FAM171A1: variants seen among roughly 807,000 people sequenced by gnomAD.
FAM171A1 encodes family with sequence similarity 171 member A1, also known as protein FAM171A1.
FAM171A1 carries 23 observed loss-of-function variants against 74.9 expected under a neutral mutation model. The ratio of observed to expected loss-of-function variants is 0.31; its 90% CI spans 0.22 to 0.44. The LOEUF is 0.44. Ranked by LOEUF, FAM171A1 falls within the 20% of genes least tolerant of loss-of-function variation. The pLI, the probability that FAM171A1 is intolerant of heterozygous loss-of-function variation, is 1.00. For missense variants in FAM171A1, 1,162 were observed against 1,159.2 expected, an observed-to-expected ratio of 1.00 and a Z score of -0.03; for synonymous variants, 527 against 505.7, an observed-to-expected ratio of 1.04 and a Z score of -0.57.
chr10:15,279,165 C>T (rs1292387615), intron 2 of FAM171A1, among the ~76,000 whole-genome samples: 1 of 152,174 alleles, frequency 6.6e-6, no homozygotes, highest in Non-Finnish European at 1.5e-5. Context: ...AGGTGTGTGA[C>T]CATCGCAGTG....
chr10:15,320,178 G>A (rs1053016864), intron 1 of FAM171A1, among the ~76,000 whole-genome samples: 4 of 152,104 alleles, frequency 2.6e-5, no homozygotes, highest in Non-Finnish European at 5.9e-5. Flanking sequence ...TTGTGTCCAT[G>A]TATACTCAGT....
rs371583301 is a variant in FAM171A1, at chr10:15,275,881, A to G, written c.392T>C (p.Val131Ala). 6.2e-6 allele frequency: 10 copies of G among 1,611,492 alleles called. No homozygotes were observed. The highest frequency in any genetic ancestry group is 8.5e-6 in the Non-Finnish European group (10 of 1,178,674). Residue 131 changes from valine to alanine, a missense_variant, in exon 3 of 8, where the codon GTC becomes GCC. Transcript: ENST00000378116. ...RSATLMVYED[V>A]VQIVSGFQGA... is the part of the protein sequence containing the mutation. ...TTGGAATCCTGATACTATTTGGACG[A>G]CATCTTCATATACCATTAGAGTGGC... is the stretch of plus-strand genomic sequence containing the variant.
chr10:15,305,385 C>A (rs1835280645), intron 1 of FAM171A1, among the ~76,000 whole-genome samples: 2 of 152,054 alleles, frequency 1.3e-5, no homozygotes, highest in Admixed American at 1.3e-4. Context: ...TATAAAAGAA[C>A]TGAATGGAGG....
In FAM171A1 at chr10:15,213,081, G is replaced by C. The variant is rs779576234; in HGVS notation, c.2507C>G (p.Thr836Ser). 2 of 1,613,684 alleles carry C rather than the reference G, an allele frequency of 1.2e-6. No homozygotes were observed. The highest frequency in any genetic ancestry group is 4.5e-5 in the East Asian group (2 of 44,832). Residue 836 changes from threonine (T) to serine (S), a missense_variant, in exon 8 of 8, where the codon ACC becomes AGC. Thr to Ser is a moderately conservative substitution (Grantham distance 58). Coordinates refer to ENST00000378116, the MANE Select transcript of FAM171A1 (RefSeq NM_001010924.2). This position sits in a 1 kb window ranked among gnomAD's most constrained non-coding sequence, Gnocchi z 6.8. ...GQLPSLQEET[T>S]RRTADAPSEP... Reference sequence around the variant, plus strand: ...CGAGGGGGCATCCGCAGTCCGTCTGGTCGTCTCCTCCTGCAGGCTGGGCAG... The same window carrying C: ...CGAGGGGGCATCCGCAGTCCGTCTGCTCGTCTCCTCCTGCAGGCTGGGCAG...
In FAM171A1 at chr10:15,216,109, A is replaced by T; in HGVS notation, c.873T>A (p.Gly291=). 1.9e-6 allele frequency: 3 copies of T among 1,580,366 alleles called. No individual in the cohort carries two copies. Among genetic ancestry groups the T allele is most frequent in the Non-Finnish European group, 2.6e-6 (3 of 1,169,414 alleles). ...WVAAMSPPIP[G]PVVTQDITTY... ...TGGTAATGTCCTGTGTTACAACGGG[A>T]CCTAGAAGGTCAGAAAATGGCATTT... Residue 291 remains glycine (G), a splice_region_variant and synonymous_variant, in exon 7 of 8, where the codon GGT becomes GGA. Transcript: ENST00000378116.
intron 5 of FAM171A1, among the ~76,000 whole-genome samples, chr10:15,247,920 C>A (rs1834456105): frequency 6.6e-6 from 1 of 152,146 alleles, no homozygotes; most frequent in South Asian, 2.1e-4. Context: ...TGCCTTCAGC[C>A]CTGTGAGTCA....
In FAM171A1 at chr10:15,213,223, C is replaced by T. The variant is rs113208167; in HGVS notation, c.2365G>A (p.Val789Met). 4 of 1,614,134 alleles carry T rather than the reference C, an allele frequency of 2.5e-6. No homozygotes were observed. In the South Asian group the frequency reaches 3.3e-5, roughly 13 times the overall value. ...CTCTGTTCCACGTCATCCAGGTACA[C>T]GAGCTGCGTGTAGGCCGTGCTGTCT... The part of the protein sequence containing the change: ...APDSTAYTQL[V>M]YLDDVEQSGS... The change falls in exon 8 of 8, where the codon GTG becomes ATG. Residue 789 changes from valine (V) to methionine (M), a missense_variant. Physicochemically the swap from Val to Met is conservative, Grantham distance 21. Coordinates refer to ENST00000378116, the MANE Select transcript of FAM171A1 (RefSeq NM_001010924.2). The surrounding 1 kb of genome is among the most constrained non-coding windows in gnomAD (Gnocchi z 6.8).
At chr10:15,277,696 C>G (rs1278019099) in intron 2 of FAM171A1, among the ~76,000 whole-genome samples, 2 of 152,192 alleles carry the variant, frequency 1.3e-5, no homozygotes, top group Non-Finnish European at 2.9e-5. Context: ...AGGTAAATGA[C>G]ATTCTGGGAA....
At chr10:15,266,996 A>G (rs1324594731) in intron 3 of FAM171A1, among the ~76,000 whole-genome samples, 2 of 152,108 alleles carry the variant, frequency 1.3e-5, no homozygotes, top group Non-Finnish European at 2.9e-5. Flanking sequence ...AAAGAACTGG[A>G]GCTCCACCTC....
At chr10:15,228,699 G>C (rs1173176936) in intron 5 of FAM171A1, among the ~76,000 whole-genome samples, 1 of 152,152 alleles carries the variant, frequency 6.6e-6, no homozygotes, top group Non-Finnish European at 1.5e-5. Context: ...CAGAACACTG[G>C]GCAGATAAAC....
intron 1 of FAM171A1, among the ~76,000 whole-genome samples, chr10:15,295,691 C>T (rs953597393): frequency 1.3e-5 from 2 of 152,152 alleles, no homozygotes; most frequent in Non-Finnish European, 2.9e-5. Flanking sequence ...AGTGGGGAAC[C>T]CAGCATTTTA....
At position 15,229,527 on chromosome 10, in the gene FAM171A1, C is replaced by G. The variant is rs560930987; in HGVS notation, c.755-8467G>C. Among the ~76,000 whole-genome samples, 41 of 130,166 alleles carry G rather than the reference C, an allele frequency of 3.1e-4. 1 individual carries two copies. Among genetic ancestry groups the G allele is most frequent in the African/African-American group, 1.1e-3 (38 of 34,316 alleles). 85.4% of individuals were successfully genotyped at this position (130,166 alleles called of 152,430 possible). A position where few individuals can be genotyped will look rare whatever the true frequency, so the allele number is the denominator to read the frequency against. On this transcript the variant is annotated intron_variant, in intron 5 of 7. Transcript: ENST00000378116. ...CACCATCATCACCATTGTCACCCCC[C>G]TCACCATCATCACCATCATCACCAT...
At chr10:15,271,403 T>C (rs1834823121) in intron 3 of FAM171A1, among the ~76,000 whole-genome samples, 1 of 152,166 alleles carries the variant, frequency 6.6e-6, no homozygotes, top group Non-Finnish European at 1.5e-5. Context: ...CAAATTTACG[T>C]CTGATTGGTG....
At chr10:15,333,062 C>G (rs1835659728) in intron 1 of FAM171A1, among the ~76,000 whole-genome samples, 1 of 152,200 alleles carries the variant, frequency 6.6e-6, no homozygotes, top group Non-Finnish European at 1.5e-5. Flanking sequence ...ATGGCTTGCC[C>G]TTTAAACCTC....
chr10:15,351,055 GCTTTTCTC>G (rs1176653281), intron 1 of FAM171A1, among the ~76,000 whole-genome samples: 1 of 152,024 alleles, frequency 6.6e-6, no homozygotes, highest in Non-Finnish European at 1.5e-5. Flanking sequence ...TCCCTAACAT[GCTTTTCTC>G]ACACCTAGAC....
Position 15,214,589 on chromosome 10 carries a change from C to T in FAM171A1, c.999G>A (p.Leu333=), listed in dbSNP as rs1306258207. 6.3e-7 allele frequency: 1 copy of T among 1,593,086 alleles called. No individual in the cohort carries two copies. The highest frequency in any genetic ancestry group is 1.1e-5 in the South Asian group (1 of 88,340). The change falls in exon 8 of 8, where the codon TTG becomes TTA. Residue 333 remains leucine, a synonymous_variant. Coordinates refer to ENST00000378116, the MANE Select transcript of FAM171A1 (RefSeq NM_001010924.2). The part of the protein sequence containing the change: ...LLLYYCRRKC[L]KPRQHHRKLQ... The stretch of plus-strand genomic sequence containing the variant: ...GTTTTCTGTGGTGCTGACGAGGTTT[C>T]AAGCACTTCCTCCTGCGCCCAAAGA...
At chr10:15,271,365 C>G (rs1207158906) in intron 3 of FAM171A1, among the ~76,000 whole-genome samples, 1 of 152,092 alleles carries the variant, frequency 6.6e-6, no homozygotes. Context: ...ACAAAGCCTC[C>G]AAGAAATATG....
At chr10:15,281,216 G>A (rs1834966661) in intron 2 of FAM171A1, among the ~76,000 whole-genome samples, 1 of 152,212 alleles carries the variant, frequency 6.6e-6, no homozygotes, top group African/African-American at 2.4e-5. Context: ...TTCCCCAGAA[G>A]CAGAAGATGC....
chr10:15,240,052 C>T (rs569223076), intron 5 of FAM171A1, among the ~76,000 whole-genome samples: 5 of 152,288 alleles, frequency 3.3e-5, no homozygotes, highest in South Asian at 2.1e-4. Flanking sequence ...ATATGCAAGT[C>T]GTGCTTCTTA....
Sources: allele counts gnomAD v4.1 joint callset (sites outside exome capture counted in the v4.1 genomes callset), GRCh38; gene constraint gnomAD v4.1.1; non-coding constraint Gnocchi (gnomAD v3.1); transcripts MANE v1.5; gene names NCBI Gene and HGNC (gene_info 2026-07-23, HGNC 2026-07-21).